Variants in NFX1 observed in about 807,000 individuals in gnomAD.
The protein encoded by NFX1 is nuclear transcription factor, X-box binding 1.
Under a neutral mutation model 137.2 loss-of-function variants are expected in NFX1, and 69 were observed. The ratio of observed to expected loss-of-function variants is 0.50; its 90% CI spans 0.41 to 0.61. The LOEUF is 0.61. Ranked by LOEUF, NFX1 falls within the 20% of genes least tolerant of loss-of-function variation. The pLI, the probability that NFX1 is intolerant of heterozygous loss-of-function variation, is 0.00. For missense variants in NFX1, 1,167 were observed against 1,391.0 expected (o/e 0.84, Z 2.56); for synonymous variants, 495 against 474.1 (o/e 1.04, Z -0.57).
chr9:33,364,845 C>A, intron 21 of NFX1, 71 bp downstream of exon 21: 1 of 1,583,676 alleles, frequency 6.3e-7, no homozygotes, highest in South Asian at 1.2e-5. Flanking sequence ...GCAATCAAGT[C>A]CTGGAAACAC....
At chr9:33,341,321 A>G (rs945394685) in intron 12 of NFX1, among the ~76,000 whole-genome samples, 1 of 152,042 alleles carries the variant, frequency 6.6e-6, no homozygotes, top group Non-Finnish European at 1.5e-5. Flanking sequence ...ATTAGATCTC[A>G]TGAGACTTAT....
At chr9:33,330,399 C>T (rs636170) in intron 10 of NFX1, among the ~76,000 whole-genome samples, 84,491 of 152,068 alleles carry the variant, frequency 0.56, 24,767 homozygotes, top group Non-Finnish European at 0.65. Context: ...GTATAATTTA[C>T]ATGTTACAAA....
At chr9:33,304,584 C>G (rs1430512811) in intron 4 of NFX1, among the ~76,000 whole-genome samples, 1 of 152,172 alleles carries the variant, frequency 6.6e-6, no homozygotes, top group Admixed American at 6.5e-5. Flanking sequence ...TCTTTTCTTT[C>G]AATTCTTAAC....
Position 33,332,473 on chromosome 9 carries a change from A to C in NFX1, c.2006A>C (p.Glu669Ala). 1 of 1,590,702 alleles carries C rather than the reference A, an allele frequency of 6.3e-7. No homozygotes were observed. The highest frequency in any genetic ancestry group is 8.6e-7 in the Non-Finnish European group (1 of 1,165,718). The change falls in exon 11 of 24, where the codon GAG (glutamate) becomes GCG (alanine). Residue 669 changes from glutamate to alanine, a missense_variant and splice_region_variant. By Grantham distance (107) the Glu-to-Ala change is moderately radical (BLOSUM62 -1). Coordinates refer to ENST00000379540, the MANE Select transcript of NFX1 (RefSeq NM_002504.6). Reference sequence around the variant, plus strand: ...CCATTTCTTTTTCTTTTTCCATAGGAGCTTCCATGTACCAGTCTCAAAAGT... The same window carrying C: ...CCATTTCTTTTTCTTTTTCCATAGGCGCTTCCATGTACCAGTCTCAAAAGT... ...ISCRCSFRTK[E>A]LPCTSLKSED...
At chr9:33,342,677 CTTG>C (rs1823270827) in intron 12 of NFX1, 66 bp from the exon 13 acceptor site, 10 of 1,045,936 alleles carry the variant, frequency 9.6e-6, no homozygotes, top group South Asian at 6.5e-5. Context: ...TTTTATTAAT[CTTG>C]TTGTTATTTA....
chr9:33,316,292 A>G (rs1375026343), intron 7 of NFX1, among the ~76,000 whole-genome samples: 2 of 149,732 alleles, frequency 1.3e-5, no homozygotes, highest in South Asian at 2.1e-4. Flanking sequence ...AAAGCTCTCT[A>G]TCCTGGTACT....
intron 1 of NFX1, among the ~76,000 whole-genome samples, chr9:33,292,578 C>T (rs559817739): frequency 6.6e-6 from 1 of 152,314 alleles, no homozygotes; most frequent in East Asian, 1.9e-4. Flanking sequence ...AAAATGGTGC[C>T]TCTGATCTTT....
At chr9:33,336,358 G>A (rs1041602305) in intron 11 of NFX1, among the ~76,000 whole-genome samples, 1 of 152,138 alleles carries the variant, frequency 6.6e-6, no homozygotes, top group African/African-American at 2.4e-5. Flanking sequence ...TGGGATTACA[G>A]GTGCCCGCCA....
At chr9:33,301,444 G>A in intron 3 of NFX1, 23 bp downstream of exon 3, 1 of 1,608,532 alleles carries the variant, frequency 6.2e-7, no homozygotes, top group Middle Eastern at 1.7e-4. Flanking sequence ...TCTCTTCTGA[G>A]TAGTTATTCT....
At chr9:33,320,729 G>A (rs1822353730) in intron 9 of NFX1, among the ~76,000 whole-genome samples, 1 of 152,054 alleles carries the variant, frequency 6.6e-6, no homozygotes, top group South Asian at 2.1e-4. Context: ...CATGCATTTA[G>A]AAAAAAATGG....
At position 33,319,258 on chromosome 9, in the gene NFX1, T is replaced by C. The variant is rs145964114; in HGVS notation, c.1906+131T>C. On this transcript the variant is annotated intron_variant, in intron 9 of 23. Transcript: ENST00000379540. ...TTTCTAAATATTATGATCATATTTA[T>C]GTAGGTACGTTTTCTTTCCTCCTCA... 201 of 757,606 alleles carry C rather than the reference T, an allele frequency of 2.7e-4. 1 individual carries two copies. The East Asian group carries it at 5.3e-3, about 20-fold the overall frequency. The allele number at this position is 757,606 out of a possible 1,614,324, so 46.9% of individuals were successfully genotyped here. A position where few individuals can be genotyped will look rare whatever the true frequency, so the allele number is the denominator to read the frequency against.
At chr9:33,359,567 C>T (rs2118673894) in intron 19 of NFX1, among the ~76,000 whole-genome samples, 1 of 151,986 alleles carries the variant, frequency 6.6e-6, no homozygotes, top group Admixed American at 6.5e-5. Flanking sequence ...CCACCACACT[C>T]TAGCCTAGAC....
intron 17 of NFX1, among the ~76,000 whole-genome samples, chr9:33,353,683 CTTTTT>C (rs111306917): frequency 0.027 from 2,972 of 109,992 alleles, 81 homozygotes; most frequent in African/African-American, 0.095. Context: ...GATAGATTTG[CTTTTT>C]TTTTTTTTTT....
intron 22 of NFX1, among the ~76,000 whole-genome samples, chr9:33,367,288 C>A (rs936283470): frequency 6.6e-6 from 1 of 152,108 alleles, no homozygotes; most frequent in Non-Finnish European, 1.5e-5. Context: ...GAAGAACTTG[C>A]CAGTGAAGAA....
chr9:33,346,433 G>T (rs1376004135), intron 14 of NFX1, among the ~76,000 whole-genome samples: 1 of 152,246 alleles, frequency 6.6e-6, no homozygotes, highest in Non-Finnish European at 1.5e-5. Flanking sequence ...AACATTCTCC[G>T]AGAGGAGGAG....
At chr9:33,360,106 T>C (rs1310395665) in intron 19 of NFX1, among the ~76,000 whole-genome samples, 1 of 152,222 alleles carries the variant, frequency 6.6e-6, no homozygotes, top group Admixed American at 6.5e-5. Flanking sequence ...AGCTGCAGAA[T>C]GTAAATTAGG....
chr9:33,301,456 C>A, intron 3 of NFX1, 35 bp downstream of exon 3: 1 of 1,599,000 alleles, frequency 6.3e-7, no homozygotes. Context: ...AGTTATTCTC[C>A]CCTATTTGAT....
intron 5 of NFX1, among the ~76,000 whole-genome samples, chr9:33,308,189 C>T (rs1216732476): frequency 6.6e-6 from 1 of 152,166 alleles, no homozygotes; most frequent in Non-Finnish European, 1.5e-5. Context: ...TGCCTATAAT[C>T]CCAACACGTT....
chr9:33,338,620 C>A, intron 12 of NFX1, 31 bp downstream of exon 12: 2 of 1,541,132 alleles, frequency 1.3e-6, no homozygotes, highest in Non-Finnish European at 1.8e-6. Flanking sequence ...TAATCAGATT[C>A]CATTCATCCA....
Sources: allele counts gnomAD v4.1 joint callset (sites outside exome capture counted in the v4.1 genomes callset), GRCh38; gene constraint gnomAD v4.1.1; transcripts MANE v1.5; gene names NCBI Gene and HGNC (gene_info 2026-07-23, HGNC 2026-07-21).